ZFHX3: variants seen among roughly 807,000 people sequenced by gnomAD.
The protein encoded by ZFHX3 is zinc finger homeobox protein 3.
Under a neutral mutation model 279.1 loss-of-function variants are expected in ZFHX3, and 42 were observed. That is an observed-to-expected ratio of 0.15 (90% CI 0.12 to 0.19). The LOEUF (loss-of-function observed/expected upper bound fraction) is 0.19, where lower values mean the gene tolerates loss of function less well. Ranked by LOEUF, ZFHX3 falls within the 10% of genes least tolerant of loss-of-function variation. The pLI is 1.00. For synonymous variants in ZFHX3, 2,293 were observed against 1,957.8 expected, an observed-to-expected ratio of 1.17 and a Z score of -4.52; for missense variants, 4,981 against 4,754.0, an observed-to-expected ratio of 1.05 and a Z score of -1.40.
chr16:73,492,123 C>G (rs977027910), intron 2 of ZFHX3, among the ~76,000 whole-genome samples: 2 of 152,186 alleles, frequency 1.3e-5, no homozygotes, highest in Non-Finnish European at 2.9e-5. Context: ...CCAACCATCT[C>G]CTTACATGAA....
chr16:73,662,571 G>A (rs1231435610), intron 2 of ZFHX3, among the ~76,000 whole-genome samples: 1 of 152,164 alleles, frequency 6.6e-6, no homozygotes, highest in African/African-American at 2.4e-5. Context: ...CAGCCTTCCT[G>A]AGGCTGGCAA....
chr16:73,852,206 T>C (rs1206773881), intron 1 of ZFHX3, among the ~76,000 whole-genome samples: 1 of 152,174 alleles, frequency 6.6e-6, no homozygotes, highest in Non-Finnish European at 1.5e-5. Context: ...CCAGACTCTA[T>C]TGTTCACCAT....
At chr16:73,751,276 A>G (rs548450790) in intron 1 of ZFHX3, among the ~76,000 whole-genome samples, 10 of 152,198 alleles carry the variant, frequency 6.6e-5, no homozygotes, top group East Asian at 1.9e-4. Context: ...CCCATACTCT[A>G]TTTGGCACTG....
intron 2 of ZFHX3, among the ~76,000 whole-genome samples, chr16:73,552,569 C>T (rs543460120): frequency 6.6e-6 from 1 of 152,256 alleles, no homozygotes; most frequent in Non-Finnish European, 1.5e-5. Flanking sequence ...TTTCTCACCA[C>T]CACTAGCATT....
intron 2 of ZFHX3, among the ~76,000 whole-genome samples, chr16:73,673,607 CA>C (rs1227336155): frequency 1.3e-5 from 2 of 151,740 alleles, no homozygotes; most frequent in Non-Finnish European, 2.9e-5. Flanking sequence ...TATTTTTCCA[CA>C]AAAATATATC....
At chr16:72,961,545 C>G (rs1246218701) in intron 1 of ZFHX3, among the ~76,000 whole-genome samples, 2 of 152,204 alleles carry the variant, frequency 1.3e-5, no homozygotes, top group African/African-American at 4.8e-5. Context: ...CTCCTCCACC[C>G]ACCATCTCAT....
In ZFHX3 at chr16:73,676,002, G is replaced by A. The variant is rs146378483; in HGVS notation, c.-1547+4178C>T. Reference sequence around the variant, plus strand: ...ACACAAATGTGTGAACTCAGAAAACGTACCAACCATCCATCTTTCTTGAAA... The same window carrying A: ...ACACAAATGTGTGAACTCAGAAAACATACCAACCATCCATCTTTCTTGAAA... On this transcript the variant is annotated intron_variant, in intron 2 of 17. Coordinates refer to the ZFHX3 transcript ENST00000641206. 2.2e-3 allele frequency among the ~76,000 whole-genome samples: 342 copies of A among 152,000 alleles called. 4 individuals carry two copies. In the East Asian group the frequency reaches 0.03, roughly 14 times the overall value.
Position 72,957,794 on chromosome 16 carries a change from G to GGCT in ZFHX3, c.2349_2351dup (p.Ala784dup), listed in dbSNP as rs1567604602. 5 of 1,610,812 alleles carry GGCT rather than the reference G, an allele frequency of 3.1e-6. No homozygotes were observed. Among genetic ancestry groups the GGCT allele is most frequent in the Middle Eastern group, 1.7e-4 (1 of 6,050 alleles). ...GGGCCCCGCAGGAGCTACTGATATT[G>GGCT]GCTGCCGCCGCCGCCGCAGCCACCG... is the stretch of plus-strand genomic sequence containing the variant. On this transcript the variant is annotated inframe_insertion, in exon 2 of 10. Transcript: ENST00000268489.
At chr16:73,766,829 A>G (rs1187382199) in intron 1 of ZFHX3, among the ~76,000 whole-genome samples, 3 of 152,140 alleles carry the variant, frequency 2.0e-5, no homozygotes, top group Non-Finnish European at 4.4e-5. Context: ...ATCTGATCTG[A>G]GAAAAGTGAC....
At chr16:72,904,280 T>A (rs2039113085) in intron 3 of ZFHX3, among the ~76,000 whole-genome samples, 1 of 151,620 alleles carries the variant, frequency 6.6e-6, no homozygotes, top group Non-Finnish European at 1.5e-5. Context: ...GCAGGAGAAT[T>A]TCTTGAACAC....
chr16:73,723,014 C>A (rs946012391), intron 1 of ZFHX3, among the ~76,000 whole-genome samples: 1 of 152,136 alleles, frequency 6.6e-6, no homozygotes, highest in Non-Finnish European at 1.5e-5. Context: ...AAGCTAAATG[C>A]TAAGGCCCCA....
At chr16:72,874,198 ATTTTTTTTTTTT>A (rs565664402) in intron 4 of ZFHX3, among the ~76,000 whole-genome samples, 2 of 95,136 alleles carry the variant, frequency 2.1e-5, no homozygotes, top group Admixed American at 1.3e-4. Context: ...GGATTTTTTG[ATTTTTTTTTTTT>A]TTTTTTTTTT....
chr16:73,529,722 C>T (rs978468735), intron 2 of ZFHX3, among the ~76,000 whole-genome samples: 5 of 152,276 alleles, frequency 3.3e-5, no homozygotes, highest in African/African-American at 4.8e-5. Context: ...GATAGTAATT[C>T]GGTGGAAAAT....
intron 1 of ZFHX3, among the ~76,000 whole-genome samples, chr16:72,975,083 G>T (rs1451579328): frequency 1.3e-5 from 2 of 152,184 alleles, no homozygotes; most frequent in African/African-American, 4.8e-5. Context: ...GAGACAGACT[G>T]AAGGGGGCAT....
Position 73,380,930 on chromosome 16 carries a change from C to T in ZFHX3, c.-1290-62594G>A, listed in dbSNP as rs143183867. 5.6e-3 allele frequency among the ~76,000 whole-genome samples: 848 copies of T among 152,266 alleles called. 4 individuals are homozygous for T. The highest frequency in any genetic ancestry group is 9.1e-3 in the Admixed American group (139 of 15,286). On this transcript the variant is annotated intron_variant, in intron 3 of 17. Coordinates refer to the ZFHX3 transcript ENST00000641206. Reference sequence around the variant, plus strand: ...GAATTTCAACCCTAGGTTCTCTGTTCTATCTTTGCTTGCTCTCTTTCAGTC... The same window carrying T: ...GAATTTCAACCCTAGGTTCTCTGTTTTATCTTTGCTTGCTCTCTTTCAGTC...
chr16:72,888,731 A>T (rs1389032327), intron 4 of ZFHX3, among the ~76,000 whole-genome samples: 1 of 152,254 alleles, frequency 6.6e-6, no homozygotes, highest in Non-Finnish European at 1.5e-5. Flanking sequence ...AGTCAGGCCC[A>T]GCAGGTCCTG....
chr16:73,529,610 G>A (rs889822423), intron 2 of ZFHX3, among the ~76,000 whole-genome samples: 1 of 152,160 alleles, frequency 6.6e-6, no homozygotes, highest in Non-Finnish European at 1.5e-5. Context: ...CCCTTGTCCA[G>A]GGGACAAATG....
intron 3 of ZFHX3, among the ~76,000 whole-genome samples, chr16:73,357,803 C>T (rs966945488): frequency 2.0e-5 from 3 of 152,158 alleles, no homozygotes; most frequent in African/African-American, 4.8e-5. Context: ...CACATTCCTT[C>T]GGCTCCATCT....
chr16:72,965,963 CT>C (rs1469301561), intron 1 of ZFHX3, among the ~76,000 whole-genome samples: 1 of 152,136 alleles, frequency 6.6e-6, no homozygotes, highest in African/African-American at 2.4e-5. Context: ...ATAAAGTCTG[CT>C]TTTTTATCTT....
Sources: allele counts gnomAD v4.1 joint callset (sites outside exome capture counted in the v4.1 genomes callset), GRCh38; gene constraint gnomAD v4.1.1; transcripts MANE v1.5; gene names NCBI Gene and HGNC (gene_info 2026-07-23, HGNC 2026-07-21).